IBTK: variants seen among roughly 807,000 people sequenced by gnomAD.
IBTK encodes the protein BTK-binding protein.
IBTK carries 83 observed loss-of-function variants against 154.9 expected under a neutral mutation model. That is an observed-to-expected ratio of 0.54 (90% confidence interval 0.45 to 0.64). The LOEUF is 0.64. Among genes scored for constraint, IBTK ranks in the 30% least tolerant of loss-of-function variants. The pLI is 0.00. For synonymous variants in IBTK, 515 were observed against 536.1 expected (o/e 0.96, Z 0.54); for missense variants, 1,332 against 1,584.6 (o/e 0.84, Z 2.71).
intron 2 of IBTK, among the ~76,000 whole-genome samples, chr6:82,237,661 G>GTAGTAGTAGTAGTAGTAGTAGTA (rs1554188041): frequency 7.0e-6 from 1 of 143,674 alleles, no homozygotes; most frequent in Non-Finnish European, 1.5e-5. Context: ...AGATAGTAGT[G>GTAGTAGTAGTAGTAGTAGTAGTA]GTAGTAGTAG....
At chr6:82,182,980 C>T (rs892360882) in intron 25 of IBTK, among the ~76,000 whole-genome samples, 1 of 152,150 alleles carries the variant, frequency 6.6e-6, no homozygotes, top group African/African-American at 2.4e-5. Flanking sequence ...GAGTCAGAGG[C>T]ATTCAGCTGA....
intron 25 of IBTK, among the ~76,000 whole-genome samples, chr6:82,183,697 A>C (rs1473692870): frequency 6.6e-6 from 1 of 152,236 alleles, no homozygotes. Flanking sequence ...AAGTTGGAAG[A>C]AGACAAAACC....
chr6:82,227,514 G>A (rs867249806), intron 4 of IBTK, among the ~76,000 whole-genome samples: 9 of 151,234 alleles, frequency 6.0e-5, no homozygotes, highest in Admixed American at 5.9e-4. Context: ...ACATTGACAC[G>A]AAAAAAAAGA....
intron 26 of IBTK, among the ~76,000 whole-genome samples, chr6:82,180,112 T>G (rs888483303): frequency 6.6e-6 from 1 of 151,900 alleles, no homozygotes; most frequent in Non-Finnish European, 1.5e-5. Flanking sequence ...AATAAATGTT[T>G]GATAGACAAT....
intron 1 of IBTK, among the ~76,000 whole-genome samples, chr6:82,247,044 TTC>T (rs1324299791): frequency 6.6e-6 from 1 of 150,832 alleles, no homozygotes; most frequent in Non-Finnish European, 1.5e-5. Flanking sequence ...AGGGCCTGTC[TTC>T]TCTGTCTCTC....
At position 82,214,681 on chromosome 6, in the gene IBTK, C is replaced by T; in HGVS notation, c.1750G>A (p.Val584Met). The change falls in exon 12 of 29, where the codon GTG becomes ATG. Residue 584 changes from valine (V) to methionine (M), a missense_variant. Physicochemically the swap from Val to Met is conservative, Grantham distance 21. Around this residue, in one of 3 missense-constraint regions of IBTK, gnomAD observed 1,134 missense variants for 1,274.7 expected, o/e 0.89. Coordinates refer to ENST00000306270, the MANE Select transcript of IBTK (RefSeq NM_015525.4). ...LFPAHKYILA[V>M]HSDFFQKLFL... ...AATTTCTGAAAAAAATCAGAATGCA[C>T]TGCCAAAATATATTTATGTGCAGGG... 6.2e-7 allele frequency: 1 copy of T among 1,614,058 alleles called. No homozygotes were observed. The highest frequency in any genetic ancestry group is 8.5e-7 in the Non-Finnish European group (1 of 1,179,980).
chr6:82,196,433 A>G lies in IBTK; in HGVS notation c.3039T>C (p.Ser1013=). ...GAGATTCCACAGAATTGGTCTTACCAGACTTTAATAATCCTAAAACATGAA... is the reference window on the plus strand; with the variant it reads ...GAGATTCCACAGAATTGGTCTTACCGGACTTTAATAATCCTAAAACATGAA... ...QSPSSTGLLK[S]GKTNSVESLP... is the part of the protein sequence containing the mutation. The change falls in exon 22 of 29, where the codon TCT becomes TCC. Residue 1013 remains serine, a synonymous_variant. Transcript: ENST00000306270. 6.2e-7 allele frequency: 1 copy of G among 1,602,010 alleles called. No homozygotes were observed. The highest frequency in any genetic ancestry group is 2.2e-5 in the East Asian group (1 of 44,654).
intron 12 of IBTK, among the ~76,000 whole-genome samples, chr6:82,213,852 G>C (rs1769751857): frequency 6.6e-6 from 1 of 152,130 alleles, no homozygotes. Flanking sequence ...AGGGAGAAAG[G>C]GAGAGAGAGG....
intron 17 of IBTK, 59 bp from the exon 18 acceptor site, chr6:82,202,704 A>AAAAT: frequency 1.2e-6 from 1 of 866,070 alleles, no homozygotes; most frequent in South Asian, 1.6e-5. Context: ...ACAGCAAAAT[A>AAAAT]AAATACATTT....
At chr6:82,177,625 G>C (rs1478970129) in intron 26 of IBTK, among the ~76,000 whole-genome samples, 1 of 152,036 alleles carries the variant, frequency 6.6e-6, no homozygotes, top group African/African-American at 2.4e-5. Flanking sequence ...TGTTGGTCAG[G>C]CTGGTCTTGA....
chr6:82,239,720 G>A (rs796759491), intron 2 of IBTK, among the ~76,000 whole-genome samples: 4 of 98,716 alleles, frequency 4.1e-5, no homozygotes, highest in South Asian at 3.0e-4. Context: ...ATTCTGCATC[G>A]GCCTATAAAA....
At chr6:82,206,379 C>G (rs752633072) in intron 16 of IBTK, among the ~76,000 whole-genome samples, 1 of 151,962 alleles carries the variant, frequency 6.6e-6, no homozygotes, top group African/African-American at 2.4e-5. Flanking sequence ...GCCTTTTATA[C>G]GGGGGCAAAC....
intron 16 of IBTK, chr6:82,205,274 AGAAT>A (rs1241231634): frequency 2.2e-5 from 4 of 177,876 alleles, no homozygotes; most frequent in African/African-American, 9.4e-5. Flanking sequence ...GAAGCCCACT[AGAAT>A]GCCTGACTTG....
intron 16 of IBTK, among the ~76,000 whole-genome samples, chr6:82,208,446 C>G (rs1022647667): frequency 1.3e-5 from 2 of 152,054 alleles, no homozygotes; most frequent in Non-Finnish European, 2.9e-5. Context: ...ACACAAGTAA[C>G]AAGTCAACAT....
At chr6:82,193,848 A>G (rs932829169) in intron 23 of IBTK, among the ~76,000 whole-genome samples, 1 of 151,708 alleles carries the variant, frequency 6.6e-6, no homozygotes, top group Non-Finnish European at 1.5e-5. Flanking sequence ...CGCCTGGCTA[A>G]TTTTTTGTAT....
chr6:82,184,235 A>C (rs1375999897), intron 25 of IBTK, among the ~76,000 whole-genome samples: 1 of 152,224 alleles, frequency 6.6e-6, no homozygotes, highest in Non-Finnish European at 1.5e-5. Context: ...CAGCCACAGA[A>C]AATTTATGGA....
chr6:82,192,446 T>C (rs1168477479), intron 23 of IBTK, among the ~76,000 whole-genome samples: 2 of 152,190 alleles, frequency 1.3e-5, no homozygotes, highest in African/African-American at 4.8e-5. Context: ...TCTACAATCA[T>C]TAGAAATAGA....
chr6:82,173,520 A>C, intron 26 of IBTK, 82 bp from the exon 27 acceptor site: 1 of 1,177,730 alleles, frequency 8.5e-7, no homozygotes, highest in Non-Finnish European at 1.3e-6. Context: ...CAGAGGAAGA[A>C]TTGTAAACTC....
chr6:82,192,558 C>T (rs990455462), intron 23 of IBTK, among the ~76,000 whole-genome samples: 1 of 150,090 alleles, frequency 6.7e-6, no homozygotes, highest in African/African-American at 2.5e-5. Context: ...ACCAGCCTGG[C>T]CTATGTGGTG....
Sources: allele counts gnomAD v4.1 joint callset (sites outside exome capture counted in the v4.1 genomes callset), GRCh38; gene constraint gnomAD v4.1.1; regional missense constraint gnomAD v4.1.1; transcripts MANE v1.5; gene names NCBI Gene and HGNC (gene_info 2026-07-23, HGNC 2026-07-21).